DAAM1: variants seen among roughly 807,000 people sequenced by gnomAD.
The protein encoded by DAAM1 is disheveled-associated activator of morphogenesis 1.
In DAAM1, 52 loss-of-function variants were observed where a neutral mutation model predicts 130.0. The observed-to-expected ratio is 0.40, with a 90% CI of 0.32 to 0.50. The LOEUF (loss-of-function observed/expected upper bound fraction) is 0.50. Ranked by LOEUF, DAAM1 falls within the 20% of genes least tolerant of loss-of-function variation. The pLI, the probability that DAAM1 is intolerant of heterozygous loss-of-function variation, is 0.61. For missense variants in DAAM1, 1,134 were observed against 1,303.8 expected, an observed-to-expected ratio of 0.87 and a Z score of 2.01; for synonymous variants, 452 against 444.5, an observed-to-expected ratio of 1.02 and a Z score of -0.21.
chr14:59,304,249 G>A (rs1884290861), intron 3 of DAAM1, among the ~76,000 whole-genome samples: 3 of 152,130 alleles, frequency 2.0e-5, no homozygotes, highest in South Asian at 4.1e-4. Flanking sequence ...CAAAAAACAC[G>A]TTTCCTGTGT....
Position 59,355,200 on chromosome 14 carries a change from G to C in DAAM1, c.2392G>C (p.Gly798Arg), listed in dbSNP as rs757084928. 24 of 1,614,052 alleles carry C rather than the reference G, an allele frequency of 1.5e-5. No individual in the cohort carries two copies. The South Asian group carries it at 2.4e-4, about 16-fold the overall frequency. ...RSGSEEVFRS[G>R]ALKQLLEVVL... The stretch of plus-strand genomic sequence containing the variant: ...TGGCTCAGAAGAGGTGTTTAGGAGT[G>C]GTGCCCTCAAGCAGTTGCTGGAGGT... The change falls in exon 20 of 25, where the codon GGT becomes CGT. Residue 798 changes from glycine to arginine, a missense_variant. Coordinates refer to ENST00000360909, the MANE Select transcript of DAAM1 (RefSeq NM_001270520.2).
intron 1 of DAAM1, among the ~76,000 whole-genome samples, chr14:59,243,164 A>G (rs924441217): frequency 6.6e-6 from 1 of 152,164 alleles, no homozygotes; most frequent in Admixed American, 6.5e-5. Flanking sequence ...CTATAAAAGC[A>G]CATCCAAAAG....
intron 19 of DAAM1, among the ~76,000 whole-genome samples, chr14:59,354,282 A>G (rs1271502): frequency 0.98 from 148,843 of 152,200 alleles, 72,872 homozygotes; most frequent in East Asian, 1. Flanking sequence ...GGATGGTCTC[A>G]ATCTCCTGAC....
At chr14:59,220,412 A>G (rs1156698173) in intron 1 of DAAM1, among the ~76,000 whole-genome samples, 2 of 152,192 alleles carry the variant, frequency 1.3e-5, no homozygotes, top group Non-Finnish European at 2.9e-5. Flanking sequence ...TAGAAGTTAA[A>G]TATTCTGTAT....
At chr14:59,199,213 A>C (rs1353539546) in intron 1 of DAAM1, among the ~76,000 whole-genome samples, 3 of 152,164 alleles carry the variant, frequency 2.0e-5, no homozygotes, top group African/African-American at 7.2e-5. Context: ...AAGGGATGAA[A>C]CTCGACAGAG....
chr14:59,250,670 A>G (rs978739688), intron 1 of DAAM1, among the ~76,000 whole-genome samples: 1 of 151,980 alleles, frequency 6.6e-6, no homozygotes, highest in Non-Finnish European at 1.5e-5. Context: ...ACAGAGACAA[A>G]CTTAGGTACA....
In DAAM1 at chr14:59,324,242, A is replaced by G. The variant is rs1469621573; in HGVS notation, c.885+4A>G. 1 of 1,424,274 alleles carries G rather than the reference A, an allele frequency of 7.0e-7. No homozygotes were observed. Among genetic ancestry groups the G allele is most frequent in the East Asian group, 2.5e-5 (1 of 39,710 alleles). 88.2% of individuals were successfully genotyped at this position (1,424,274 alleles called of 1,614,324 possible). A position where few individuals can be genotyped will look rare whatever the true frequency, so the allele number is the denominator to read the frequency against. On this transcript the variant is annotated splice_donor_region_variant and intron_variant, in intron 7 of 24. Coordinates refer to ENST00000360909, the MANE Select transcript of DAAM1 (RefSeq NM_001270520.2). ...GCTCAGCCAAGGTGCAGGAGTGGTA[A>G]GAACCTTCTACAAATTAAAAATATA...
chr14:59,203,509 C>A (rs1372863471), intron 1 of DAAM1, among the ~76,000 whole-genome samples: 1 of 152,178 alleles, frequency 6.6e-6, no homozygotes. Flanking sequence ...ATACTACTTT[C>A]CCATTTGTTA....
chr14:59,362,247 A>G (rs1321079684), intron 22 of DAAM1: 1 of 151,946 alleles, frequency 6.6e-6, no homozygotes, highest in Non-Finnish European at 1.5e-5. Flanking sequence ...AAATCACTCT[A>G]TCCCTTGGGT....
chr14:59,306,327 C>CT (rs1421717210), intron 3 of DAAM1, among the ~76,000 whole-genome samples: 1 of 152,084 alleles, frequency 6.6e-6, no homozygotes, highest in Non-Finnish European at 1.5e-5. Context: ...CAGAATAGTG[C>CT]TTAGCTCATT....
intron 16 of DAAM1, among the ~76,000 whole-genome samples, chr14:59,347,047 A>G (rs1037490015): frequency 6.6e-6 from 1 of 152,218 alleles, no homozygotes; most frequent in African/African-American, 2.4e-5. Context: ...AGCCTTAACT[A>G]TGAAGTACTT....
At chr14:59,359,610 T>C (rs1886625358) in intron 21 of DAAM1, 106 bp downstream of exon 21, 2 of 745,846 alleles carry the variant, frequency 2.7e-6, no homozygotes, top group African/African-American at 1.8e-5. Context: ...TGTTTTCCCC[T>C]GATCATTGTA....
chr14:59,305,339 G>T (rs1207977370), intron 3 of DAAM1, among the ~76,000 whole-genome samples: 2 of 152,092 alleles, frequency 1.3e-5, no homozygotes, highest in Non-Finnish European at 2.9e-5. Context: ...ACTAATAATT[G>T]GAGAATATTT....
chr14:59,195,434 C>T (rs536082937), intron 1 of DAAM1, among the ~76,000 whole-genome samples: 9 of 152,274 alleles, frequency 5.9e-5, no homozygotes, highest in South Asian at 2.1e-4. Context: ...TGAGCCACCG[C>T]GCCTGGCCTC....
chr14:59,285,817 G>A (rs1255392865), intron 2 of DAAM1, among the ~76,000 whole-genome samples: 1 of 152,014 alleles, frequency 6.6e-6, no homozygotes, highest in African/African-American at 2.4e-5. Context: ...ACCAAACAGT[G>A]ATACTGGGGG....
intron 1 of DAAM1, among the ~76,000 whole-genome samples, chr14:59,248,860 T>A (rs1881511276): frequency 6.6e-6 from 1 of 152,202 alleles, no homozygotes; most frequent in South Asian, 2.1e-4. Flanking sequence ...CTCGGCTCAC[T>A]GCAACTTCCG....
chr14:59,324,290 A>T (rs759081282), intron 7 of DAAM1, 52 bp downstream of exon 7: 1 of 1,416,566 alleles, frequency 7.1e-7, no homozygotes, highest in Admixed American at 2.5e-5. Flanking sequence ...AATTTATAAA[A>T]AGTGATTATT....
intron 2 of DAAM1, among the ~76,000 whole-genome samples, chr14:59,273,186 A>G (rs1340592090): frequency 1.3e-5 from 2 of 152,216 alleles, no homozygotes; most frequent in African/African-American, 4.8e-5. Context: ...AATAAAGCTT[A>G]AGATACGACC....
intron 1 of DAAM1, among the ~76,000 whole-genome samples, chr14:59,245,560 AAAGAT>A: frequency 6.6e-6 from 1 of 152,318 alleles, no homozygotes; most frequent in Middle Eastern, 3.4e-3. Flanking sequence ...TAGATGTTCT[AAAGAT>A]AAGGATAGTA....
Sources: gnomAD v4.1 joint callset for allele counts (sites outside exome capture counted in the v4.1 genomes callset) on GRCh38, gnomAD v4.1.1 for gene constraint, MANE v1.5 for transcripts, NCBI Gene and HGNC (gene_info 2026-07-23, HGNC 2026-07-21) for gene names.